NKIRAS2: variants seen among roughly 807,000 people sequenced by gnomAD.
The protein encoded by NKIRAS2 is NF-kappa-B inhibitor-interacting Ras-like protein 2.
Under a neutral mutation model 20.7 loss-of-function variants are expected in NKIRAS2, and 15 were observed. The ratio of observed to expected loss-of-function variants is 0.73; its 90% confidence interval spans 0.49 to 1.12. The LOEUF (loss-of-function observed/expected upper bound fraction) is 1.12. Among genes scored for constraint, NKIRAS2 ranks in the 50% most tolerant of loss-of-function variants. The probability of loss-of-function intolerance (pLI) is 0.00; values close to 1 mark genes in which losing one functional copy is unlikely to be tolerated. For synonymous variants in NKIRAS2, 116 were observed against 101.4 expected, an observed-to-expected ratio of 1.14 and a Z score of -0.87; for missense variants, 196 against 249.6, an observed-to-expected ratio of 0.79 and a Z score of 1.45.
At chr17:42,017,962 G>A (rs2052352573), upstream of NKIRAS2, among the ~76,000 whole-genome samples, 1 of 152,052 alleles carries the variant, frequency 6.6e-6, no homozygotes, top group Non-Finnish European at 1.5e-5. Flanking sequence ...GGGAACGCAG[G>A]GCGTCTTCAC....
intron 3 of NKIRAS2, 34 bp downstream of exon 3, chr17:42,022,674 T>G: frequency 6.3e-7 from 1 of 1,592,632 alleles, no homozygotes; most frequent in Non-Finnish European, 8.6e-7. Context: ...GGAGCCTCAG[T>G]GGTCAGAGAG....
At chr17:42,017,607 G>C, upstream of NKIRAS2, 1 of 676,782 alleles carries the variant, frequency 1.5e-6, no homozygotes, top group South Asian at 1.9e-5. Flanking sequence ...CGCCGGGGCG[G>C]GAGCCCAGGG....
At chr17:42,022,770 C>T (rs944341812) in intron 3 of NKIRAS2, 130 bp downstream of exon 3, 2 of 1,105,734 alleles carry the variant, frequency 1.8e-6, no homozygotes, top group Non-Finnish European at 2.6e-6. Context: ...GGGGTGGAGG[C>T]CACTGAGGGT....
chr17:42,023,778 G>A lies in NKIRAS2; in HGVS notation c.461G>A (p.Arg154Gln), dbSNP rs782283541. Residue 154 changes from arginine to glutamine, a missense_variant, in exon 4 of 4, where the codon CGG (arginine) becomes CAG (glutamine). By Grantham distance (43) the Arg-to-Gln change is conservative. Transcript: ENST00000393885. ...CTGTGGGAGGTGTCAGTGGCGGACC[G>A]GCGCTCCCTCCTGGAGCCCTTTGTC... ...VKLWEVSVAD[R>Q]RSLLEPFVYL... The A allele has an allele frequency of 1.1e-5, 18 of 1,613,996 alleles. No individual in the cohort carries two copies. The highest frequency in any genetic ancestry group is 1.4e-5 in the Non-Finnish European group (17 of 1,180,038).
intron 2 of NKIRAS2, 148 bp downstream of exon 2, chr17:42,021,819 A>C: frequency 2.5e-6 from 2 of 801,806 alleles, no homozygotes; most frequent in Non-Finnish European, 4.5e-6. Flanking sequence ...TCAACTCTAC[A>C]ACACTGAACA....
upstream of NKIRAS2, among the ~76,000 whole-genome samples, chr17:42,018,877 A>G (rs1237246253): frequency 6.6e-6 from 1 of 152,194 alleles, no homozygotes; most frequent in East Asian, 1.9e-4. Context: ...ACAAATCCCC[A>G]AGGCTTACCA....
chr17:42,021,541 C>T (rs782145859), intron 1 of NKIRAS2, 23 bp from the exon 2 acceptor site: 2 of 1,589,576 alleles, frequency 1.3e-6, no homozygotes, highest in African/African-American at 2.7e-5. Context: ...CTCACCTTAC[C>T]CAGCGTGCTT....
At chr17:42,022,678 CAGAG>C (rs781991382) in intron 3 of NKIRAS2, 38 bp downstream of exon 3, 5 of 1,588,110 alleles carry the variant, frequency 3.1e-6, no homozygotes, top group Non-Finnish European at 4.3e-6. Flanking sequence ...CCTCAGTGGT[CAGAG>C]AGTTTGGGCG....
chr17:42,021,397 C>T, intron 1 of NKIRAS2, 167 bp from the exon 2 acceptor site: 1 of 594,142 alleles, frequency 1.7e-6, no homozygotes, highest in East Asian at 2.9e-5. Context: ...TGGAACTATA[C>T]ATTCAGTTTA....
At chr17:42,021,985 G>A in intron 2 of NKIRAS2, 1 of 583,644 alleles carries the variant, frequency 1.7e-6, no homozygotes, top group African/African-American at 1.8e-5. Flanking sequence ...TGAGGCGGGT[G>A]GATCACCTCA....
upstream of NKIRAS2, among the ~76,000 whole-genome samples, chr17:42,019,777 T>C (rs2052395658): frequency 6.6e-6 from 1 of 152,246 alleles, no homozygotes; most frequent in Non-Finnish European, 1.5e-5. Context: ...TCTCAGTATA[T>C]GGCCCTGCAC....
intron 3 of NKIRAS2, 93 bp downstream of exon 3, chr17:42,022,733 C>A: frequency 6.8e-7 from 1 of 1,471,804 alleles, no homozygotes; most frequent in Non-Finnish European, 9.1e-7. Flanking sequence ...CCATTCTTCA[C>A]TCCAAGGTGA....
At chr17:42,022,315 C>T in intron 2 of NKIRAS2, 84 bp from the exon 3 acceptor site, 1 of 1,414,666 alleles carries the variant, frequency 7.1e-7, no homozygotes, top group Non-Finnish European at 9.6e-7. Flanking sequence ...CCTTTCTCCC[C>T]ATTTGGTCAG....
chr17:42,022,907 T>G, intron 3 of NKIRAS2: 1 of 404,832 alleles, frequency 2.5e-6, no homozygotes, highest in Non-Finnish European at 4.6e-6. Flanking sequence ...ACTGACCTAA[T>G]GTATGAAGCC....
At chr17:42,022,956 C>T in intron 3 of NKIRAS2, 1 of 314,686 alleles carries the variant, frequency 3.2e-6, no homozygotes, top group Non-Finnish European at 6.2e-6. Context: ...AGTTGTCCTT[C>T]CTGATGGTTC....
upstream of NKIRAS2, among the ~76,000 whole-genome samples, chr17:42,018,185 A>G (rs953000556): frequency 4.5e-4 from 69 of 151,730 alleles, no homozygotes; most frequent in African/African-American, 1.6e-3. Flanking sequence ...TGTCCCCAGT[A>G]CTCCCACCTC....
chr17:42,022,566 A>G lies in NKIRAS2; in HGVS notation c.262A>G (p.Thr88Ala), dbSNP rs1172720397. The G allele has an allele frequency of 6.2e-7, 1 of 1,613,926 alleles. No homozygotes were observed. ...TGATGGCTACGTCCTGGTCTATAGC[A>G]CAGATAGCAGAGAGTCTTTTCAGCG... Reference protein sequence around the residue: ...CTDGYVLVYSTDSRESFQRVE... With the variant: ...CTDGYVLVYSADSRESFQRVE... Residue 88 changes from threonine to alanine, a missense_variant, in exon 3 of 4, where the codon ACA becomes GCA. Transcript: ENST00000393885.
chr17:42,018,488 C>G (rs2052366475), upstream of NKIRAS2: 1 of 152,158 alleles, frequency 6.6e-6, no homozygotes, highest in Admixed American at 6.5e-5. Flanking sequence ...TCTGCCTATC[C>G]CAGTGTGGAG....
rs1324444879 is a variant in NKIRAS2 at position 42,024,766 on chromosome 17, TC to T, written c.*875del. 1.6e-5 allele frequency: 2 copies of T among 122,374 alleles called. No individual in the cohort carries two copies. The highest frequency in any genetic ancestry group is 3.4e-5 in the Non-Finnish European group (2 of 58,420). 7.6% of individuals were successfully genotyped at this position (122,374 alleles called of 1,614,324 possible). On this transcript the variant is annotated 3_prime_UTR_variant, in exon 4 of 4. Transcript: ENST00000393885. ...TCCAGCCTGGTCAACAGAGCAAGAC[TC>T]CATCTCGAAGAAAAAAAAAAAAAAT...
Sources: allele counts gnomAD v4.1 joint callset (sites outside exome capture counted in the v4.1 genomes callset), GRCh38; gene constraint gnomAD v4.1.1; transcripts MANE v1.5; gene names NCBI Gene and HGNC (gene_info 2026-07-23, HGNC 2026-07-21).